FAM43B: variants seen among roughly 807,000 people sequenced by gnomAD.
FAM43B encodes protein FAM43B.
In FAM43B, 17 loss-of-function variants were observed where a neutral mutation model predicts 20.1. The ratio of observed to expected loss-of-function variants is 0.84; its 90% CI spans 0.58 to 1.27. The LOEUF (loss-of-function observed/expected upper bound fraction) is 1.27. Among genes scored for constraint, FAM43B ranks in the 50% most tolerant of loss-of-function variants. The pLI is 0.00. For synonymous variants in FAM43B, 208 were observed against 238.5 expected (o/e 0.87, Z 1.18); for missense variants, 512 against 516.7 (o/e 0.99, Z 0.09).
Position 20,553,914 on chromosome 1 carries a change from C to T in FAM43B, c.941C>T (p.Pro314Leu), listed in dbSNP as rs1207693563. ...CCGGCGCCCCCGCCGCCCGCGCAGC[C>T]CCGCCGCTGGAAGGCCGGCCCCAGG... ...GAPAPPPPAQ[P>L]RRWKAGPRER... The change falls in exon 1 of 1, where the codon CCC (proline) becomes CTC (leucine). Residue 314 changes from proline to leucine, a missense_variant. Coordinates refer to ENST00000332947, the MANE Select transcript of FAM43B (RefSeq NM_207334.3). The surrounding 1 kb of genome is among the most constrained non-coding windows in gnomAD (Gnocchi z 6.5). 1 of 1,256,200 alleles carries T rather than the reference C, an allele frequency of 8.0e-7. No homozygotes were observed. Among genetic ancestry groups the T allele is most frequent in the East Asian group, 3.3e-5 (1 of 30,208 alleles). 77.8% of individuals were successfully genotyped at this position (1,256,200 alleles called of 1,614,324 possible).
Position 20,553,314 on chromosome 1 carries a change from TG to T in FAM43B, c.345del (p.Pro116ArgfsTer182), listed in dbSNP as rs748304040. ...GGGGGCACTAAGATGAAGCTGACGC[TG>T]GGGCCGCACGGCATCCGCATGCAGC... is the stretch of plus-strand genomic sequence containing the variant. Reference protein sequence around the residue: ...PGGGTKMKLTLGPHGIRMQPC... With the variant: ...PGGGTKMKLTXGPHGIRMQPC... On this transcript the variant is annotated frameshift_variant, in exon 1 of 1. Transcript: ENST00000332947. LOFTEE classifies it high-confidence loss of function. The surrounding 1 kb of genome is among the most constrained non-coding windows in gnomAD (Gnocchi z 6.5). 5.1e-6 allele frequency: 8 copies of T among 1,582,374 alleles called. No individual in the cohort carries two copies. In the Admixed American group the frequency reaches 1.3e-4, roughly 26 times the overall value.
rs1401211774 is a variant in FAM43B at position 20,554,071 on chromosome 1, C to A, written c.*108C>A. On this transcript the variant is annotated 3_prime_UTR_variant, in exon 1 of 1. Transcript: ENST00000332947. ...CCCCGGCCCCCGGCCCGTGTCTCCC[C>A]CGTGGTCTCCGTGTTGTCCGCCCCG... 7 of 1,146,282 alleles carry A rather than the reference C, an allele frequency of 6.1e-6. No homozygotes were observed. The highest frequency in any genetic ancestry group is 7.6e-6 in the Non-Finnish European group (7 of 917,226). 71.0% of individuals were successfully genotyped at this position (1,146,282 alleles called of 1,614,324 possible).
At position 20,552,980 on chromosome 1, in the gene FAM43B, C is replaced by A; in HGVS notation, c.7C>A (p.Pro3Thr). 6.2e-7 allele frequency: 1 copy of A among 1,613,226 alleles called. No homozygotes were observed. The highest frequency in any genetic ancestry group is 8.5e-7 in the Non-Finnish European group (1 of 1,179,856). The change falls in exon 1 of 1, where the codon CCC becomes ACC. Residue 3 changes from proline to threonine, a missense_variant. Physicochemically the swap from Pro to Thr is conservative, Grantham distance 38. Coordinates refer to ENST00000332947, the MANE Select transcript of FAM43B (RefSeq NM_207334.3). Reference protein sequence around the residue: MLPWRRNKFVLVE... With the variant: MLTWRRNKFVLVE... ...CCCTTTCGCCGCCGCCGCGATGCTG[C>A]CCTGGAGACGTAACAAATTCGTGCT...
Position 20,553,175 on chromosome 1 carries a change from G to A in FAM43B, c.202G>A (p.Glu68Lys), listed in dbSNP as rs780509446. Residue 68 changes from glutamate (E) to lysine (K), a missense_variant, in exon 1 of 1, where the codon GAG becomes AAG. Glu to Lys is a moderately conservative substitution (Grantham distance 56). Coordinates refer to ENST00000332947, the MANE Select transcript of FAM43B (RefSeq NM_207334.3). The surrounding 1 kb of genome is among the most constrained non-coding windows in gnomAD (Gnocchi z 6.5). ...GCGCCAGAAAGTGGAGCTCAACAAG[G>A]AGGACCCGACCTACACCGTGTGGTA... ...SRRQKVELNKEDPTYTVWYLG... is the reference protein window; with the variant it reads ...SRRQKVELNKKDPTYTVWYLG... 1 of 1,613,364 alleles carries A rather than the reference G, an allele frequency of 6.2e-7. No homozygotes were observed. The highest frequency in any genetic ancestry group is 8.5e-7 in the Non-Finnish European group (1 of 1,179,784).
Position 20,553,423 on chromosome 1 carries a change from G to C in FAM43B, c.450G>C (p.Thr150=). 1 of 1,440,510 alleles carries C rather than the reference G, an allele frequency of 6.9e-7. No homozygotes were observed. Among genetic ancestry groups the C allele is most frequent in the Non-Finnish European group, 9.0e-7 (1 of 1,109,848 alleles). 89.2% of individuals were successfully genotyped at this position (1,440,510 alleles called of 1,614,324 possible). The stretch of plus-strand genomic sequence containing the variant: ...TGCTGCCGCGCATCACCTACTGCAC[G>C]GCGGACGGGCGCCACCCGCGCGTCT... ...AYLLPRITYC[T]ADGRHPRVFA... is the part of the protein sequence containing the mutation. Residue 150 remains threonine, a synonymous_variant, in exon 1 of 1, where the codon ACG becomes ACC. Transcript: ENST00000332947. The surrounding 1 kb of genome is among the most constrained non-coding windows in gnomAD (Gnocchi z 6.5).
chr1:20,553,235 G>A lies in FAM43B; in HGVS notation c.262G>A (p.Asp88Asn). 6.2e-7 allele frequency: 1 copy of A among 1,613,216 alleles called. No homozygotes were observed. The highest frequency in any genetic ancestry group is 8.5e-7 in the Non-Finnish European group (1 of 1,179,810). Residue 88 changes from aspartate to asparagine, a missense_variant, in exon 1 of 1, where the codon GAC (aspartate) becomes AAC (asparagine). Coordinates refer to ENST00000332947, the MANE Select transcript of FAM43B (RefSeq NM_207334.3). The surrounding 1 kb of genome is among the most constrained non-coding windows in gnomAD (Gnocchi z 6.5). ...GNAVTLHAKG[D>N]GCTDDAVGKI... ...CGCCGTCACCCTGCACGCCAAGGGCGACGGCTGCACCGACGACGCCGTGGG... is the reference window on the plus strand; with the variant it reads ...CGCCGTCACCCTGCACGCCAAGGGCAACGGCTGCACCGACGACGCCGTGGG...
Position 20,552,583 on chromosome 1 carries a change from A to T in FAM43B, c.-391A>T. The T allele has an allele frequency of 3.4e-6, 1 of 294,572 alleles. No individual in the cohort carries two copies. Among genetic ancestry groups the T allele is most frequent in the Non-Finnish European group, 6.4e-6 (1 of 156,292 alleles). The allele number at this position is 294,572 out of a possible 1,614,324, so 18.2% of individuals were successfully genotyped here. A position where few individuals can be genotyped will look rare whatever the true frequency, so the allele number is the denominator to read the frequency against. ...CGCAGCCGCGCTCTCGGTCTGCCCC[A>T]CTAAGCAGCCGCCAGCGGCTCCGGC... On this transcript the variant is annotated 5_prime_UTR_variant, in exon 1 of 1. Transcript: ENST00000332947.
rs868773673 is a variant in FAM43B at position 20,553,157 on chromosome 1, A to G, written c.184A>G (p.Lys62Glu). 6.2e-7 allele frequency: 1 copy of G among 1,613,230 alleles called. No homozygotes were observed. The highest frequency in any genetic ancestry group is 1.7e-4 in the Middle Eastern group (1 of 6,060). The change falls in exon 1 of 1, where the codon AAA becomes GAA. Residue 62 changes from lysine (K) to glutamate (E), a missense_variant. Transcript: ENST00000332947. The surrounding 1 kb of genome is among the most constrained non-coding windows in gnomAD (Gnocchi z 6.5). ...CCGTGTGTTCCGCAGCCGGCGCCAG[A>G]AAGTGGAGCTCAACAAGGAGGACCC... Reference protein sequence around the residue: ...LGRVFRSRRQKVELNKEDPTY... With the variant: ...LGRVFRSRRQEVELNKEDPTY...
chr1:20,553,892 GCGCCCCCGCCGCCCGCGCAGCCCCGC>G lies in FAM43B; in HGVS notation c.923_948del (p.Pro308LeufsTer69). On this transcript the variant is annotated frameshift_variant, in exon 1 of 1. Transcript: ENST00000332947. LOFTEE classifies it high-confidence loss of function. The surrounding 1 kb of genome is among the most constrained non-coding windows in gnomAD (Gnocchi z 6.5). ...GACGTGCAGCCTGCGGGGCGCCCCG[GCGCCCCCGCCGCCCGCGCAGCCCCGC>G]CGCTGGAAGGCCGGCCCCAGGGAGC... is the stretch of plus-strand genomic sequence containing the variant. 1 of 1,290,716 alleles carries G rather than the reference GCGCCCCCGCCGCCCGCGCAGCCCCGC, an allele frequency of 7.7e-7. No homozygotes were observed. Among genetic ancestry groups the G allele is most frequent in the South Asian group, 2.5e-5 (1 of 39,892 alleles). The allele number at this position is 1,290,716 out of a possible 1,614,324, so 80.0% of individuals were successfully genotyped here. A position where few individuals can be genotyped will look rare whatever the true frequency, so the allele number is the denominator to read the frequency against.
rs1342134695 is a variant in FAM43B, at chr1:20,553,502, C to A, written c.529C>A (p.His177Asn). The change falls in exon 1 of 1, where the codon CAC becomes AAC. Residue 177 changes from histidine (H) to asparagine (N), a missense_variant. Physicochemically the swap from His to Asn is moderately conservative, Grantham distance 68. Coordinates refer to ENST00000332947, the MANE Select transcript of FAM43B (RefSeq NM_207334.3). This position sits in a 1 kb window ranked among gnomAD's most constrained non-coding sequence, Gnocchi z 6.5. ...ARHKAVVLRC[H>N]AVLLARAHKA... is the part of the protein sequence containing the mutation. Reference sequence around the variant, plus strand: ...CCACAAGGCCGTGGTGCTGCGCTGCCACGCTGTGCTGCTGGCGCGGGCGCA... The same window carrying A: ...CCACAAGGCCGTGGTGCTGCGCTGCAACGCTGTGCTGCTGGCGCGGGCGCA... 4 of 1,373,996 alleles carry A rather than the reference C, an allele frequency of 2.9e-6. No homozygotes were observed. The highest frequency in any genetic ancestry group is 1.7e-5 in the South Asian group (1 of 58,432). 85.1% of individuals were successfully genotyped at this position (1,373,996 alleles called of 1,614,324 possible).
rs1382449308 is a variant in FAM43B at position 20,553,717 on chromosome 1, G to A, written c.744G>A (p.Pro248=). Residue 248 remains proline (P), a synonymous_variant, in exon 1 of 1, where the codon CCG becomes CCA. Transcript: ENST00000332947. This position sits in a 1 kb window ranked among gnomAD's most constrained non-coding sequence, Gnocchi z 6.5. The part of the protein sequence containing the change: ...RLLNAKCAYR[P]PPSERSRGAP... ...TCAATGCCAAGTGCGCCTACCGGCC[G>A]CCGCCGAGCGAGCGCAGCCGCGGGG... 8.3e-6 allele frequency: 12 copies of A among 1,453,150 alleles called. No homozygotes were observed. Among genetic ancestry groups the A allele is most frequent in the Non-Finnish European group, 1.1e-5 (12 of 1,099,376 alleles). 90.0% of individuals were successfully genotyped at this position (1,453,150 alleles called of 1,614,324 possible).
rs1233199269 is a variant in FAM43B at position 20,553,787 on chromosome 1, G to A, written c.814G>A (p.Glu272Lys). ...SIQEEDEEEE[E>K]DDAEEQEGGV... ...CCAGGAGGAGGACGAGGAGGAGGAGGAGGACGACGCGGAGGAGCAAGAGGG... is the reference window on the plus strand; with the variant it reads ...CCAGGAGGAGGACGAGGAGGAGGAGAAGGACGACGCGGAGGAGCAAGAGGG... Residue 272 changes from glutamate to lysine, a missense_variant, in exon 1 of 1, where the codon GAG becomes AAG. Physicochemically the swap from Glu to Lys is moderately conservative, Grantham distance 56. Coordinates refer to ENST00000332947, the MANE Select transcript of FAM43B (RefSeq NM_207334.3). The surrounding 1 kb of genome is among the most constrained non-coding windows in gnomAD (Gnocchi z 6.5). 2 of 1,476,674 alleles carry A rather than the reference G, an allele frequency of 1.4e-6. No individual in the cohort carries two copies. Among genetic ancestry groups the A allele is most frequent in the African/African-American group, 2.9e-5 (2 of 68,116 alleles). The allele number at this position is 1,476,674 out of a possible 1,614,324, so 91.5% of individuals were successfully genotyped here.
chr1:20,553,787 G>C lies in FAM43B; in HGVS notation c.814G>C (p.Glu272Gln), dbSNP rs1233199269. The C allele has an allele frequency of 1.0e-5, 15 of 1,476,674 alleles. 1 individual carries two copies. The East Asian group carries it at 4.6e-4, about 45-fold the overall frequency. 91.5% of individuals were successfully genotyped at this position (1,476,674 alleles called of 1,614,324 possible). Residue 272 changes from glutamate (E) to glutamine (Q), a missense_variant, in exon 1 of 1, where the codon GAG becomes CAG. Coordinates refer to ENST00000332947, the MANE Select transcript of FAM43B (RefSeq NM_207334.3). This position sits in a 1 kb window ranked among gnomAD's most constrained non-coding sequence, Gnocchi z 6.5. ...CCAGGAGGAGGACGAGGAGGAGGAG[G>C]AGGACGACGCGGAGGAGCAAGAGGG... ...SIQEEDEEEEEDDAEEQEGGV... is the reference protein window; with the variant it reads ...SIQEEDEEEEQDDAEEQEGGV...
chr1:20,554,251 C>A lies in FAM43B; in HGVS notation c.*288C>A. 1 of 243,992 alleles carries A rather than the reference C, an allele frequency of 4.1e-6. No homozygotes were observed. Among genetic ancestry groups the A allele is most frequent in the South Asian group, 1.8e-4 (1 of 5,508 alleles). 15.1% of individuals were successfully genotyped at this position (243,992 alleles called of 1,614,324 possible). A position where few individuals can be genotyped will look rare whatever the true frequency, so the allele number is the denominator to read the frequency against. ...CTTTGCCCACAGACCTCCTCATTCC[C>A]TCCCAAAACATCCTCTCAAGAGAAG... On this transcript the variant is annotated 3_prime_UTR_variant, in exon 1 of 1. Coordinates refer to ENST00000332947, the MANE Select transcript of FAM43B (RefSeq NM_207334.3).
In FAM43B at chr1:20,552,733, A is replaced by C; in HGVS notation, c.-241A>C. 1 of 569,040 alleles carries C rather than the reference A, an allele frequency of 1.8e-6. No individual in the cohort carries two copies. Among genetic ancestry groups the C allele is most frequent in the East Asian group, 3.1e-5 (1 of 32,078 alleles). 35.2% of individuals were successfully genotyped at this position (569,040 alleles called of 1,614,324 possible). A position where few individuals can be genotyped will look rare whatever the true frequency, so the allele number is the denominator to read the frequency against. ...CAGACGGCTGGAGACACTCCCGGGA[A>C]AAGCGGTCCTCAGCCACTCGGCCGC... On this transcript the variant is annotated 5_prime_UTR_variant, in exon 1 of 1. Coordinates refer to ENST00000332947, the MANE Select transcript of FAM43B (RefSeq NM_207334.3).
chr1:20,553,382 C>T lies in FAM43B; in HGVS notation c.409C>T (p.Pro137Ser). ...SAAGGSGGRR[P>S]AHAYLLPRIT... ...CGCCGGGGGTTCGGGGGGCCGCAGG[C>T]CGGCGCACGCCTACCTGCTGCCGCG... The change falls in exon 1 of 1, where the codon CCG (proline) becomes TCG (serine). Residue 137 changes from proline to serine, a missense_variant. Coordinates refer to ENST00000332947, the MANE Select transcript of FAM43B (RefSeq NM_207334.3). The surrounding 1 kb of genome is among the most constrained non-coding windows in gnomAD (Gnocchi z 6.5). 6.8e-7 allele frequency: 1 copy of T among 1,471,370 alleles called. No individual in the cohort carries two copies. The highest frequency in any genetic ancestry group is 8.9e-7 in the Non-Finnish European group (1 of 1,121,118). The allele number at this position is 1,471,370 out of a possible 1,614,324, so 91.1% of individuals were successfully genotyped here.
At position 20,554,124 on chromosome 1, in the gene FAM43B, C is replaced by T; in HGVS notation, c.*161C>T. Reference sequence around the variant, plus strand: ...GCCTCATTTTGGCTCAGGGTGATGCCTGATACGCCCTTGGTTATTGGGGGG... The same window carrying T: ...GCCTCATTTTGGCTCAGGGTGATGCTTGATACGCCCTTGGTTATTGGGGGG... On this transcript the variant is annotated 3_prime_UTR_variant, in exon 1 of 1. Coordinates refer to ENST00000332947, the MANE Select transcript of FAM43B (RefSeq NM_207334.3). 3 of 809,000 alleles carry T rather than the reference C, an allele frequency of 3.7e-6. No homozygotes were observed. The highest frequency in any genetic ancestry group is 3.6e-5 in the African/African-American group (2 of 54,982). The allele number at this position is 809,000 out of a possible 1,614,324, so 50.1% of individuals were successfully genotyped here.
rs1006617384 is a variant in FAM43B at position 20,553,186 on chromosome 1, C to T, written c.213C>T (p.Thr71=). The T allele has an allele frequency of 6.2e-7, 1 of 1,613,694 alleles. No homozygotes were observed. The highest frequency in any genetic ancestry group is 1.7e-5 in the Admixed American group (1 of 60,018). ...QKVELNKEDP[T]YTVWYLGNAV... ...TGGAGCTCAACAAGGAGGACCCGAC[C>T]TACACCGTGTGGTACCTGGGCAACG... The change falls in exon 1 of 1, where the codon ACC becomes ACT. Residue 71 remains threonine, a synonymous_variant. Transcript: ENST00000332947. The surrounding 1 kb of genome is among the most constrained non-coding windows in gnomAD (Gnocchi z 6.5).
At position 20,552,658 on chromosome 1, in the gene FAM43B, G is replaced by C; in HGVS notation, c.-316G>C. On this transcript the variant is annotated 5_prime_UTR_variant, in exon 1 of 1. Coordinates refer to ENST00000332947, the MANE Select transcript of FAM43B (RefSeq NM_207334.3). ...CGCGGAAATCCCACCGTTTGGGCTT[G>C]GTGGACGTCCAGCCCACCTCACCCC... The C allele has an allele frequency of 2.4e-6, 1 of 412,280 alleles. No individual in the cohort carries two copies. The highest frequency in any genetic ancestry group is 2.9e-5 in the South Asian group (1 of 34,456). 25.5% of individuals were successfully genotyped at this position (412,280 alleles called of 1,614,324 possible).
Sources: gnomAD v4.1 joint callset for allele counts on GRCh38, gnomAD v4.1.1 for gene constraint, Gnocchi (gnomAD v3.1) non-coding constraint, MANE v1.5 for transcripts, NCBI Gene and HGNC (gene_info 2026-07-23, HGNC 2026-07-21) for gene names.